TSPAN16: variants seen among roughly 807,000 people sequenced by gnomAD.
TSPAN16 encodes tetraspanin 16.
Under a neutral mutation model 25.2 loss-of-function variants are expected in TSPAN16, and 23 were observed. The observed-to-expected ratio is 0.91, with a 90% CI of 0.66 to 1.29. The LOEUF (loss-of-function observed/expected upper bound fraction) is 1.29, where lower values mean the gene tolerates loss of function less well. TSPAN16 is among the 50% of genes most tolerant of loss of function. The probability of loss-of-function intolerance (pLI) is 0.00; values close to 1 mark genes in which losing one functional copy is unlikely to be tolerated. For missense variants in TSPAN16, 272 were observed against 299.9 expected, an observed-to-expected ratio of 0.91 and a Z score of 0.69; for synonymous variants, 123 against 124.4, an observed-to-expected ratio of 0.99 and a Z score of 0.08.
intron 4 of TSPAN16, among the ~76,000 whole-genome samples, chr19:11,302,528 CAA>C (rs71164181): frequency 0.29 from 13,701 of 47,578 alleles, 290 homozygotes; most frequent in Non-Finnish European, 0.32. Context: ...GGCTCCATCT[CAA>C]AAAAAAAAAA....
At chr19:11,312,020 C>A in intron 5 of TSPAN16, 119 bp from the exon 6 acceptor site, 1 of 725,128 alleles carries the variant, frequency 1.4e-6, no homozygotes, top group Middle Eastern at 4.0e-4. Flanking sequence ...GCTCTCTCCC[C>A]GCTTCTCCTC....
intron 6 of TSPAN16, 115 bp from the exon 7 acceptor site, chr19:11,315,676 C>A: frequency 1.2e-6 from 1 of 818,318 alleles, no homozygotes. Context: ...ATCTGTAAAA[C>A]CCTGCCCCTC....
In TSPAN16 at chr19:11,306,689, G is replaced by C. The variant is rs1192297420; in HGVS notation, c.536G>C (p.Cys179Ser). 1.2e-5 allele frequency: 20 copies of C among 1,614,074 alleles called. No individual in the cohort carries two copies. The highest frequency in any genetic ancestry group is 1.7e-5 in the Non-Finnish European group (20 of 1,180,034). ...MTTGHTYPRSCCKSIGSVSCD... is the reference protein window; with the variant it reads ...MTTGHTYPRSSCKSIGSVSCD... ...ACGGGCCACACCTACCCCAGGAGTTGCTGTAAATCCATCGGAAGTGTGTCC... is the reference window on the plus strand; with the variant it reads ...ACGGGCCACACCTACCCCAGGAGTTCCTGTAAATCCATCGGAAGTGTGTCC... The change falls in exon 5 of 7, where the codon TGC becomes TCC. Residue 179 changes from cysteine (C) to serine (S), a missense_variant. By Grantham distance (112) the Cys-to-Ser change is moderately radical. Transcript: ENST00000590327.
intron 4 of TSPAN16, among the ~76,000 whole-genome samples, chr19:11,301,952 T>C (rs1276114038): frequency 7.0e-6 from 1 of 143,744 alleles, no homozygotes; most frequent in Non-Finnish European, 1.5e-5. Context: ...GCCTCCCAAG[T>C]AGCTGGGATT....
intron 2 of TSPAN16, among the ~76,000 whole-genome samples, 199 bp from the exon 3 acceptor site, chr19:11,298,673 C>T (rs985306819): frequency 3.3e-5 from 5 of 152,046 alleles, no homozygotes; most frequent in African/African-American, 9.7e-5. Context: ...ACCTCGTGAT[C>T]CACCCGCCTC....
chr19:11,309,728 AG>A (rs925512748), intron 5 of TSPAN16, among the ~76,000 whole-genome samples: 58 of 152,336 alleles, frequency 3.8e-4, no homozygotes, highest in African/African-American at 1.4e-3. Flanking sequence ...CTCAAATGTC[AG>A]CCCCATGAGG....
chr19:11,298,451 C>G, intron 2 of TSPAN16, 112 bp downstream of exon 2: 1 of 836,108 alleles, frequency 1.2e-6, no homozygotes, highest in Non-Finnish European at 1.8e-6. Context: ...TTTTTTTTTG[C>G]GGGGACAGGG....
chr19:11,322,510 G>C (rs2080785922), intron 6 of TSPAN16: 1 of 152,124 alleles, frequency 6.6e-6, no homozygotes, highest in Non-Finnish European at 1.5e-5. Flanking sequence ...CTGGAGAGGG[G>C]TTTTCCCACG....
chr19:11,303,397 G>A lies in TSPAN16; in HGVS notation c.450+2089G>A, dbSNP rs904135715. On this transcript the variant is annotated intron_variant, in intron 4 of 6. Transcript: ENST00000590327. ...AGTCGTCACCACTCCCTAATCTCAAGTTCCCAGGGACACAAACACTGCGGA... is the reference window on the plus strand; with the variant it reads ...AGTCGTCACCACTCCCTAATCTCAAATTCCCAGGGACACAAACACTGCGGA... Among the ~76,000 whole-genome samples, 4 of 146,806 alleles carry A rather than the reference G, an allele frequency of 2.7e-5. No homozygotes were observed. In the East Asian group the frequency reaches 7.8e-4, roughly 29 times the overall value.
chr19:11,304,789 G>A (rs999429258), intron 4 of TSPAN16, among the ~76,000 whole-genome samples: 1 of 152,008 alleles, frequency 6.6e-6, no homozygotes, highest in African/African-American at 2.4e-5. Flanking sequence ...CTCCCAAAGT[G>A]CTGGGATTAC....
intron 4 of TSPAN16, among the ~76,000 whole-genome samples, chr19:11,306,285 C>T (rs1239503072): frequency 6.6e-6 from 1 of 151,916 alleles, no homozygotes. Flanking sequence ...CCTTGATCTC[C>T]CGGGCTCAAG....
chr19:11,298,488 G>A (rs1599325505), intron 2 of TSPAN16, 149 bp downstream of exon 2: 2 of 733,426 alleles, frequency 2.7e-6, no homozygotes, highest in Non-Finnish European at 4.4e-6. Flanking sequence ...AGGCTGGAGT[G>A]CAGTGGCACA....
chr19:11,302,670 T>C (rs1243509865), intron 4 of TSPAN16, among the ~76,000 whole-genome samples: 11 of 117,758 alleles, frequency 9.3e-5, no homozygotes, highest in African/African-American at 6.4e-4. Context: ...CATATATATA[T>C]ATATATATAC....
intron 6 of TSPAN16, among the ~76,000 whole-genome samples, chr19:11,321,608 A>G (rs2080780129): frequency 6.6e-6 from 1 of 152,206 alleles, no homozygotes. Flanking sequence ...TGGTATGTTC[A>G]GATAGCAGCA....
downstream of TSPAN16, among the ~76,000 whole-genome samples, chr19:11,316,929 G>A (rs2080752571): frequency 6.6e-6 from 1 of 151,354 alleles, no homozygotes; most frequent in African/African-American, 2.4e-5. Flanking sequence ...CTCCTGCTCA[G>A]GCTCCCATGT....
Position 11,306,753 on chromosome 19 carries a change from G to A in TSPAN16, c.600G>A (p.Gln200=), listed in dbSNP as rs1013718358. The A allele has an allele frequency of 9.3e-6, 15 of 1,613,376 alleles. No individual in the cohort carries two copies. The highest frequency in any genetic ancestry group is 1.3e-5 in the Non-Finnish European group (15 of 1,179,602). ...ATGTGTCTCCAAACGTCATCCACCA[G>A]AAGGTAACTGGAGATTTTGTGTGTT... is the stretch of plus-strand genomic sequence containing the variant. The part of the protein sequence containing the change: ...GRDVSPNVIH[Q]KGCFHKLLKI... Residue 200 remains glutamine (Q), a synonymous_variant, in exon 5 of 7, where the codon CAG becomes CAA. Transcript: ENST00000590327.
chr19:11,315,378 A>G (rs1234946684), intron 6 of TSPAN16, among the ~76,000 whole-genome samples: 1 of 148,238 alleles, frequency 6.7e-6, no homozygotes, highest in Non-Finnish European at 1.5e-5. Context: ...TAACACAATA[A>G]AACCCCGTCT....
downstream of TSPAN16, among the ~76,000 whole-genome samples, chr19:11,316,936 A>G (rs1280517045): frequency 1.3e-5 from 2 of 149,884 alleles, no homozygotes; most frequent in Non-Finnish European, 3.0e-5. Flanking sequence ...TCAGGCTCCC[A>G]TGTAGCTGGG....
downstream of TSPAN16, among the ~76,000 whole-genome samples, chr19:11,320,669 T>A (rs1463347724): frequency 2.6e-5 from 3 of 114,386 alleles, no homozygotes; most frequent in African/African-American, 8.9e-5. Context: ...CAAGACCTTG[T>A]CTCCAAAAAA....
Sources: allele counts gnomAD v4.1 joint callset (sites outside exome capture counted in the v4.1 genomes callset), GRCh38; gene constraint gnomAD v4.1.1; transcripts MANE v1.5; gene names NCBI Gene and HGNC (gene_info 2026-07-23, HGNC 2026-07-21).